Variants in TNPO3 observed in about 807,000 individuals in gnomAD.
TNPO3 encodes transportin 3, also known as transportin-3.
Under a neutral mutation model 122.8 loss-of-function variants are expected in TNPO3, and 65 were observed. The ratio of observed to expected loss-of-function variants is 0.53; its 90% CI spans 0.43 to 0.65. TNPO3 has a LOEUF of 0.65. Among genes scored for constraint, TNPO3 ranks in the 30% least tolerant of loss-of-function variants. The pLI, the probability that TNPO3 is intolerant of heterozygous loss-of-function variation, is 0.00. For synonymous variants in TNPO3, 372 were observed against 411.2 expected (o/e 0.90, Z 1.15); for missense variants, 850 against 1,136.7 (o/e 0.75, Z 3.63).
In TNPO3 at chr7:128,983,431, G is replaced by A. The variant is rs549255122; in HGVS notation, c.1782+737C>T. On this transcript the variant is annotated intron_variant, in intron 13 of 22. Transcript: ENST00000265388. The stretch of plus-strand genomic sequence containing the variant: ...ACCATGTTGGTCAGACTCTAACTCC[G>A]GACCTCAAATGATCCACCTGTCTAG... Among the ~76,000 whole-genome samples the A allele has an allele frequency of 1.1e-4, 16 of 152,026 alleles. 1 individual carries two copies. In the South Asian group the frequency reaches 1.7e-3, roughly 16 times the overall value.
chr7:128,997,621 G>A (rs1801471923), intron 7 of TNPO3, 86 bp from the exon 8 acceptor site: 1 of 1,156,516 alleles, frequency 8.6e-7, no homozygotes, highest in East Asian at 2.5e-5. Flanking sequence ...CATATAGGAA[G>A]AAAGATATAT....
In TNPO3 at chr7:128,972,828, T is replaced by C. The variant is rs376081727; in HGVS notation, c.2274-246A>G. The stretch of plus-strand genomic sequence containing the variant: ...AAACCCACAGAATGTACACCAAGAG[T>C]GAAGCCTAATGTAAACTATGGACTT... On this transcript the variant is annotated intron_variant, in intron 18 of 22. Coordinates refer to ENST00000265388, the MANE Select transcript of TNPO3 (RefSeq NM_012470.4). 2.2e-4 allele frequency among the ~76,000 whole-genome samples: 33 copies of C among 152,004 alleles called. No individual in the cohort carries two copies. In the East Asian group the frequency reaches 5.8e-3, roughly 27 times the overall value.
intron 21 of TNPO3, among the ~76,000 whole-genome samples, chr7:128,960,934 A>C (rs1045053704): frequency 6.6e-6 from 1 of 151,748 alleles, no homozygotes; most frequent in Non-Finnish European, 1.5e-5. Flanking sequence ...TAATTTTTTA[A>C]ATTTTTAGTA....
At chr7:129,050,083 A>G (rs975607156) in intron 1 of TNPO3, among the ~76,000 whole-genome samples, 6 of 151,872 alleles carry the variant, frequency 4.0e-5, no homozygotes. Flanking sequence ...TCTTTTTTTA[A>G]AAAGGGTGAG....
At chr7:129,009,371 G>T (rs1459369898) in intron 4 of TNPO3, among the ~76,000 whole-genome samples, 1 of 152,170 alleles carries the variant, frequency 6.6e-6, no homozygotes, top group Non-Finnish European at 1.5e-5. Context: ...AACTAAATGA[G>T]AAAAGGTCTT....
At position 129,041,797 on chromosome 7, in the gene TNPO3, A is replaced by C. The variant is rs1238156116; in HGVS notation, c.120+12854T>G. The C allele has an allele frequency of 3.2e-6, 3 of 933,340 alleles. No individual in the cohort carries two copies. The African/African-American group carries it at 5.3e-5, about 17-fold the overall frequency. The allele number at this position is 933,340 out of a possible 1,614,324, so 57.8% of individuals were successfully genotyped here. ...CAAAGCAGTAGCAGAACAGGCCTTT[A>C]TATCAGTCTTTTCAAAAGATATTTC... is the stretch of plus-strand genomic sequence containing the variant. On this transcript the variant is annotated intron_variant, in intron 1 of 22. Coordinates refer to ENST00000265388, the MANE Select transcript of TNPO3 (RefSeq NM_012470.4).
chr7:129,055,993 A>G, upstream of TNPO3: 1 of 834,016 alleles, frequency 1.2e-6, no homozygotes, highest in Non-Finnish European at 2.0e-6. Context: ...GCTGACACTG[A>G]CCTACAGCGC....
Position 129,027,379 on chromosome 7 carries a change from G to A in TNPO3, c.121-9222C>T, listed in dbSNP as rs1306139839. On this transcript the variant is annotated intron_variant, in intron 1 of 22. Transcript: ENST00000265388. ...AGTTTGAGACTAACCTGACTAATATGGTGAAACCCCATATCTACTAAAAAT... is the reference window on the plus strand; with the variant it reads ...AGTTTGAGACTAACCTGACTAATATAGTGAAACCCCATATCTACTAAAAAT... Among the ~76,000 whole-genome samples, 4 of 151,230 alleles carry A rather than the reference G, an allele frequency of 2.6e-5. No individual in the cohort carries two copies. In the South Asian group the frequency reaches 8.4e-4, roughly 32 times the overall value.
chr7:128,980,107 G>C, intron 14 of TNPO3, 76 bp from the exon 15 acceptor site: 1 of 1,262,284 alleles, frequency 7.9e-7, no homozygotes, highest in South Asian at 1.2e-5. Context: ...ATCCCTGCTT[G>C]CTTACTTAGT....
chr7:128,984,557 A>G (rs1396393017), intron 12 of TNPO3, among the ~76,000 whole-genome samples: 2 of 152,232 alleles, frequency 1.3e-5, no homozygotes, highest in Non-Finnish European at 2.9e-5. Context: ...AATGTATACC[A>G]TAGTGTAATG....
rs1796781623 is a variant in TNPO3 at position 128,955,177 on chromosome 7, C to A, written c.*240G>T. On this transcript the variant is annotated 3_prime_UTR_variant, in exon 23 of 23. Transcript: ENST00000265388. ...TCCCCTCCCACCACGCCGGGCAGGC[C>A]ACAGCCATCTTTTTAAAATCCGCGC... is the stretch of plus-strand genomic sequence containing the variant. 3.0e-6 allele frequency: 1 copy of A among 337,380 alleles called. No individual in the cohort carries two copies. Among genetic ancestry groups the A allele is most frequent in the Non-Finnish European group, 5.8e-6 (1 of 172,230 alleles). The allele number at this position is 337,380 out of a possible 1,614,324, so 20.9% of individuals were successfully genotyped here.
At chr7:128,981,484 T>C (rs1799621807) in intron 14 of TNPO3, among the ~76,000 whole-genome samples, 1 of 152,186 alleles carries the variant, frequency 6.6e-6, no homozygotes, top group Non-Finnish European at 1.5e-5. Flanking sequence ...ACAGCGATGG[T>C]TCTGAAAGTA....
At chr7:129,035,546 G>A (rs1488673890) in intron 1 of TNPO3, among the ~76,000 whole-genome samples, 1 of 152,114 alleles carries the variant, frequency 6.6e-6, no homozygotes, top group Non-Finnish European at 1.5e-5. Flanking sequence ...GAGCCAGGAA[G>A]TCAAGGCCGC....
chr7:129,004,483 C>T (rs1802357162), intron 5 of TNPO3, among the ~76,000 whole-genome samples: 1 of 152,152 alleles, frequency 6.6e-6, no homozygotes, highest in African/African-American at 2.4e-5. Context: ...AAGAAACGCA[C>T]AAGTATATAA....
chr7:128,989,748 G>A (rs1349937212), intron 11 of TNPO3, among the ~76,000 whole-genome samples: 2 of 152,118 alleles, frequency 1.3e-5, no homozygotes, highest in Admixed American at 6.6e-5. Context: ...TTCCCTATCT[G>A]TAGATCTAAT....
At chr7:128,972,977 TTTGCAGTGAACCTAAAG>T (rs1402767077) in intron 18 of TNPO3, among the ~76,000 whole-genome samples, 1 of 152,030 alleles carries the variant, frequency 6.6e-6, no homozygotes, top group East Asian at 1.9e-4. Flanking sequence ...TTCACTCAAA[TTTGCAGTGAACCTAAAG>T]TTGCTCTTTA....
At chr7:128,965,512 T>C (rs1797848001) in intron 21 of TNPO3, among the ~76,000 whole-genome samples, 1 of 152,224 alleles carries the variant, frequency 6.6e-6, no homozygotes, top group African/African-American at 2.4e-5. Context: ...ATGGTGCAGC[T>C]GCTATGGAAA....
In TNPO3 at chr7:128,974,916, A is replaced by G; in HGVS notation, c.2225T>C (p.Leu742Pro). ...TFQLLEQQNG[L>P]QNHPDTVDDL... ...ATCTACAGTGTCAGGGTGATTCTGGAGACCATTCTGCTGTTCTAGGAGCTG... is the reference window on the plus strand; with the variant it reads ...ATCTACAGTGTCAGGGTGATTCTGGGGACCATTCTGCTGTTCTAGGAGCTG... The change falls in exon 18 of 23, where the codon CTC (leucine) becomes CCC (proline). Residue 742 changes from leucine to proline, a missense_variant. Physicochemically the swap from Leu to Pro is moderately conservative, Grantham distance 98. Coordinates refer to ENST00000265388, the MANE Select transcript of TNPO3 (RefSeq NM_012470.4). 1 of 1,614,220 alleles carries G rather than the reference A, an allele frequency of 6.2e-7. No homozygotes were observed. The highest frequency in any genetic ancestry group is 1.1e-5 in the South Asian group (1 of 91,086).
At chr7:129,055,300 G>A, upstream of TNPO3, 1 of 157,978 alleles carries the variant, frequency 6.3e-6, no homozygotes, top group Non-Finnish European at 1.4e-5. Flanking sequence ...GGACATTAGC[G>A]CCGAGATGTG....
Sources: gnomAD v4.1 joint callset for allele counts (sites outside exome capture counted in the v4.1 genomes callset) on GRCh38, gnomAD v4.1.1 for gene constraint, MANE v1.5 for transcripts, NCBI Gene and HGNC (gene_info 2026-07-23, HGNC 2026-07-21) for gene names.